The following RBFOX1 variants were observed in gnomAD, a reference collection of about 807,000 sequenced individuals.
RBFOX1 encodes the protein RNA binding protein fox-1 homolog 1.
A neutral mutation model predicts 57.7 loss-of-function variants in RBFOX1; 8 were observed. The observed-to-expected ratio is 0.14, with a 90% confidence interval of 0.08 to 0.25. RBFOX1 has a LOEUF of 0.25. Ranked by LOEUF, RBFOX1 falls within the 10% of genes least tolerant of loss-of-function variation. RBFOX1 has a pLI of 1.00. For missense variants in RBFOX1, 611 were observed against 548.5 expected (o/e 1.11, Z -1.14); for synonymous variants, 326 against 222.4 (o/e 1.47, Z -4.15).
At chr16:6,961,074 C>T (rs946832461) in intron 3 of RBFOX1, among the ~76,000 whole-genome samples, 3 of 150,690 alleles carry the variant, frequency 2.0e-5, no homozygotes, top group Non-Finnish European at 4.4e-5. Context: ...ATCCGGGAGG[C>T]GGGAGTTGCA....
At chr16:6,766,477 C>A (rs1425115821) in intron 3 of RBFOX1, among the ~76,000 whole-genome samples, 1 of 151,922 alleles carries the variant, frequency 6.6e-6, no homozygotes, top group Middle Eastern at 3.4e-3. Context: ...ATTTTTAAAT[C>A]TTTGAGGGGG....
chr16:7,211,391 CAAAAAAA>C (rs57333413), intron 4 of RBFOX1, among the ~76,000 whole-genome samples: 1 of 83,942 alleles, frequency 1.2e-5, no homozygotes, highest in South Asian at 5.2e-4. Flanking sequence ...GACTGCCTCT[CAAAAAAA>C]AAAAAAAAAA....
intron 2 of RBFOX1, among the ~76,000 whole-genome samples, chr16:6,441,381 C>A (rs753258656): frequency 2.6e-5 from 4 of 151,948 alleles, no homozygotes; most frequent in Non-Finnish European, 5.9e-5. Flanking sequence ...TTGTCAGCTT[C>A]GTTTTATTTT....
intron 5 of RBFOX1, among the ~76,000 whole-genome samples, chr16:7,545,361 TGCTCACAGCCAG>T (rs1263104709): frequency 3.9e-5 from 6 of 152,072 alleles, no homozygotes; most frequent in Non-Finnish European, 7.4e-5. Flanking sequence ...CTTGGCCCCT[TGCTCACAGCCAG>T]GCCTCTGCCT....
intron 2 of RBFOX1, among the ~76,000 whole-genome samples, chr16:6,376,291 G>A (rs1390253765): frequency 8.1e-6 from 1 of 123,772 alleles, no homozygotes; most frequent in Non-Finnish European, 1.8e-5. Context: ...GGTTTTGTTT[G>A]TTTGTTGGTT....
intron 3 of RBFOX1, among the ~76,000 whole-genome samples, chr16:6,726,437 ACTTGT>A (rs1406811640): frequency 2.6e-5 from 4 of 151,028 alleles, no homozygotes; most frequent in African/African-American, 9.7e-5. Flanking sequence ...TAAAATCACG[ACTTGT>A]CTTAAGATCT....
intron 2 of RBFOX1, among the ~76,000 whole-genome samples, chr16:6,584,123 C>A (rs373038300): frequency 6.6e-6 from 1 of 151,798 alleles, no homozygotes; most frequent in Non-Finnish European, 1.5e-5. Flanking sequence ...GTCAGAGTCT[C>A]CTAATGTATT....
At chr16:5,394,932 G>T (rs577647966) in intron 1 of RBFOX1, among the ~76,000 whole-genome samples, 1 of 152,132 alleles carries the variant, frequency 6.6e-6, no homozygotes, top group South Asian at 2.1e-4. Flanking sequence ...GCCACCTTGT[G>T]TCCAGCCGGC....
chr16:5,699,521 A>G (rs1428059902), intron 3 of RBFOX1, among the ~76,000 whole-genome samples: 1 of 152,054 alleles, frequency 6.6e-6, no homozygotes, highest in Admixed American at 6.6e-5. Flanking sequence ...TGTTTTAGAT[A>G]GAGAGTTTTG....
intron 3 of RBFOX1, among the ~76,000 whole-genome samples, chr16:6,656,640 T>G (rs1342247036): frequency 2.8e-5 from 4 of 140,548 alleles, no homozygotes; most frequent in African/African-American, 1.1e-4. Flanking sequence ...ACTTCTAGTT[T>G]TTTCATAAAT....
intron 4 of RBFOX1, among the ~76,000 whole-genome samples, chr16:5,999,161 C>A (rs1251838194): frequency 1.3e-5 from 2 of 152,168 alleles, no homozygotes; most frequent in African/African-American, 4.8e-5. Flanking sequence ...GTCTTCACTC[C>A]TTAGAATGCA....
chr16:6,827,174 A>T (rs895309302), intron 3 of RBFOX1, among the ~76,000 whole-genome samples: 1 of 149,874 alleles, frequency 6.7e-6, no homozygotes, highest in African/African-American at 2.5e-5. Flanking sequence ...TTACATTTTT[A>T]AAAATAAATC....
intron 1 of RBFOX1, among the ~76,000 whole-genome samples, chr16:6,274,717 T>C (rs376980041): frequency 6.6e-6 from 1 of 152,184 alleles, no homozygotes; most frequent in African/African-American, 2.4e-5. Flanking sequence ...CTCTGTAACA[T>C]TATTGCCTAC....
chr16:6,549,378 AAGG>A (rs1355491713), intron 2 of RBFOX1, among the ~76,000 whole-genome samples: 35 of 9,246 alleles, frequency 3.8e-3, no homozygotes, highest in Admixed American at 0.01. Context: ...GGAGGGGAAA[AAGG>A]AGGGGACGAG....
intron 3 of RBFOX1, among the ~76,000 whole-genome samples, chr16:6,836,536 G>A (rs981020432): frequency 2.6e-5 from 4 of 152,140 alleles, no homozygotes; most frequent in Admixed American, 6.5e-5. Flanking sequence ...GTATGACCAC[G>A]AATGACACCT....
intron 1 of RBFOX1, among the ~76,000 whole-genome samples, chr16:6,217,041 A>G (rs1033128184): frequency 2.6e-5 from 4 of 152,166 alleles, no homozygotes; most frequent in African/African-American, 9.7e-5. Context: ...TCTTCAGGTA[A>G]CCTGTTCTGA....
At chr16:6,885,238 C>G (rs1046394483) in intron 3 of RBFOX1, among the ~76,000 whole-genome samples, 2 of 152,136 alleles carry the variant, frequency 1.3e-5, no homozygotes, top group African/African-American at 4.8e-5. Context: ...CAGATGTGGT[C>G]TCCAGTCCAG....
At chr16:7,311,321 G>A (rs1338149446) in intron 4 of RBFOX1, among the ~76,000 whole-genome samples, 1 of 152,092 alleles carries the variant, frequency 6.6e-6, no homozygotes, top group Non-Finnish European at 1.5e-5. Context: ...AAAGCATTCA[G>A]AAGGTTAGTG....
intron 4 of RBFOX1, among the ~76,000 whole-genome samples, chr16:5,878,605 A>T (rs1376149581): frequency 6.6e-6 from 1 of 152,154 alleles, no homozygotes; most frequent in Non-Finnish European, 1.5e-5. Context: ...CACTTTGGAG[A>T]AACTTCGTGA....
Sources: gnomAD v4.1 joint callset for allele counts (sites outside exome capture counted in the v4.1 genomes callset) on GRCh38, gnomAD v4.1.1 for gene constraint, MANE v1.5 for transcripts, NCBI Gene and HGNC (gene_info 2026-07-23, HGNC 2026-07-21) for gene names.